The following CYSLTR2 variants were observed in gnomAD, a reference collection of about 807,000 sequenced individuals.
The protein encoded by CYSLTR2 is cysteinyl leukotriene receptor 2.
For synonymous variants in CYSLTR2, 179 were observed against 160.8 expected (o/e 1.11, Z -0.86); for missense variants, 398 against 411.9 (o/e 0.97, Z 0.29).
rs145280747 is a variant in CYSLTR2 at position 48,671,525 on chromosome 13, T to C, written c.-266+17508T>C. On this transcript the variant is annotated intron_variant, in intron 1 of 4. Transcript: ENST00000682523. ...TTATCAAAGGCCTTTTCTGCATCTA[T>C]TGAGATATTCATGTGGTTTTTGTCA... Among the ~76,000 whole-genome samples, 380 of 152,358 alleles carry C rather than the reference T, an allele frequency of 2.5e-3. 2 individuals carry two copies. The highest frequency in any genetic ancestry group is 8.5e-3 in the African/African-American group (353 of 41,578).
chr13:48,664,433 T>G, intron 1 of CYSLTR2, among the ~76,000 whole-genome samples: 1 of 152,042 alleles, frequency 6.6e-6, no homozygotes, highest in Non-Finnish European at 1.5e-5. Flanking sequence ...AAAGATTCAG[T>G]AAAATTCATC....
intron 4 of CYSLTR2, among the ~76,000 whole-genome samples, chr13:48,698,724 G>T (rs915701158): frequency 6.6e-6 from 1 of 152,146 alleles, no homozygotes; most frequent in African/African-American, 2.4e-5. Context: ...GACACAGACT[G>T]GCAAATCAGA....
chr13:48,707,086 C>T lies in CYSLTR2; in HGVS notation c.269C>T (p.Thr90Met), dbSNP rs147650408. The T allele has an allele frequency of 1.3e-4, 217 of 1,614,070 alleles. 2 individuals are homozygous for T. The Middle Eastern group carries it at 4.1e-3, about 31-fold the overall frequency. Residue 90 changes from threonine (T) to methionine (M), a missense_variant, in exon 5 of 5, where the codon ACG becomes ATG. By Grantham distance (81) the Thr-to-Met change is moderately conservative. Transcript: ENST00000682523. Reference protein sequence around the residue: ...LAISDLLFISTLPFRADYYLR... With the variant: ...LAISDLLFISMLPFRADYYLR... ...ATTTCAGATCTCCTGTTCATAAGCA[C>T]GCTTCCCTTCAGGGCTGACTATTAT...
At chr13:48,704,431 A>C (rs1344185576) in intron 4 of CYSLTR2, among the ~76,000 whole-genome samples, 1 of 151,466 alleles carries the variant, frequency 6.6e-6, no homozygotes, top group Non-Finnish European at 1.5e-5. Context: ...TCAAATAACC[A>C]GTTTTTCATT....
At chr13:48,705,980 T>C (rs1425274059) in intron 4 of CYSLTR2, among the ~76,000 whole-genome samples, 4 of 149,930 alleles carry the variant, frequency 2.7e-5, no homozygotes, top group African/African-American at 9.8e-5. Context: ...TTGTTTGTTT[T>C]TTGTTTTGTT....
intron 1 of CYSLTR2, among the ~76,000 whole-genome samples, chr13:48,686,019 T>G (rs1020148686): frequency 6.6e-6 from 1 of 152,204 alleles, no homozygotes; most frequent in Non-Finnish European, 1.5e-5. Flanking sequence ...AAACTTTTCT[T>G]TTACAGAACA....
chr13:48,703,749 TA>T (rs1594025724), intron 4 of CYSLTR2, among the ~76,000 whole-genome samples: 1 of 152,270 alleles, frequency 6.6e-6, no homozygotes, highest in East Asian at 1.9e-4. Flanking sequence ...TTCAATAAAA[TA>T]AATTGGGAAA....
In CYSLTR2 at chr13:48,656,233, G is replaced by T. The variant is rs1435561872; in HGVS notation, c.-266+2216G>T. ...AAATAGAATTGTTCATGTGTTTCTG[G>T]TTGGCTCTTCTCCAGATGAAATGGC... On this transcript the variant is annotated intron_variant, in intron 1 of 4. Coordinates refer to ENST00000682523, the MANE Select transcript of CYSLTR2 (RefSeq NM_001308476.3). 2.0e-5 allele frequency among the ~76,000 whole-genome samples: 3 copies of T among 152,000 alleles called. No homozygotes were observed. The South Asian group carries it at 6.2e-4, about 32-fold the overall frequency.
At chr13:48,672,174 T>G (rs1953449655) in intron 1 of CYSLTR2, among the ~76,000 whole-genome samples, 1 of 152,160 alleles carries the variant, frequency 6.6e-6, no homozygotes. Flanking sequence ...CTTCTGTCTT[T>G]TCTTCTTTAT....
intron 1 of CYSLTR2, among the ~76,000 whole-genome samples, chr13:48,654,773 C>T (rs531861639): frequency 2.8e-4 from 43 of 152,262 alleles, no homozygotes; most frequent in Non-Finnish European, 5.3e-4. Flanking sequence ...AGAAAATTAC[C>T]CCTAGAATAA....
chr13:48,700,291 T>C (rs1341817235), intron 4 of CYSLTR2, among the ~76,000 whole-genome samples: 1 of 152,186 alleles, frequency 6.6e-6, no homozygotes, highest in Non-Finnish European at 1.5e-5. Context: ...GCAAACCAAA[T>C]CCAGCAGCAC....
rs1954588035 is a variant in CYSLTR2, at chr13:48,709,548, C to T, written c.*1690C>T. ...GCTGCGTGTCTGCCCTATTACTCACCTGACGATGAAGCCCACAATGCAACA... is the reference window on the plus strand; with the variant it reads ...GCTGCGTGTCTGCCCTATTACTCACTTGACGATGAAGCCCACAATGCAACA... On this transcript the variant is annotated 3_prime_UTR_variant, in exon 5 of 5. Coordinates refer to ENST00000682523, the MANE Select transcript of CYSLTR2 (RefSeq NM_001308476.3). 1 of 152,450 alleles carries T rather than the reference C, an allele frequency of 6.6e-6. No homozygotes were observed. The highest frequency in any genetic ancestry group is 1.5e-5 in the Non-Finnish European group (1 of 68,036). The allele number at this position is 152,450 out of a possible 1,614,324, so 9.4% of individuals were successfully genotyped here. A position where few individuals can be genotyped will look rare whatever the true frequency, so the allele number is the denominator to read the frequency against.
chr13:48,683,953 C>G (rs1393382142), intron 1 of CYSLTR2, among the ~76,000 whole-genome samples: 3 of 152,214 alleles, frequency 2.0e-5, no homozygotes. Context: ...CAGTCTCACT[C>G]TGTCATCCAG....
intron 4 of CYSLTR2, among the ~76,000 whole-genome samples, chr13:48,703,200 C>T (rs980258945): frequency 2.6e-5 from 4 of 151,962 alleles, no homozygotes; most frequent in African/African-American, 7.2e-5. Context: ...TGTGTGTGCA[C>T]GTATGTGTAT....
At chr13:48,701,548 C>A (rs1247989541) in intron 4 of CYSLTR2, among the ~76,000 whole-genome samples, 3 of 152,114 alleles carry the variant, frequency 2.0e-5, no homozygotes, top group African/African-American at 7.2e-5. Flanking sequence ...CTACAAAGAA[C>A]TTAAACAAAT....
At position 48,708,588 on chromosome 13, in the gene CYSLTR2, A is replaced by G. The variant is rs1481361428; in HGVS notation, c.*730A>G. 6.0e-6 allele frequency: 1 copy of G among 167,132 alleles called. No homozygotes were observed. Among genetic ancestry groups the G allele is most frequent in the Admixed American group, 6.5e-5 (1 of 15,282 alleles). 10.4% of individuals were successfully genotyped at this position (167,132 alleles called of 1,614,324 possible). On this transcript the variant is annotated 3_prime_UTR_variant, in exon 5 of 5. Transcript: ENST00000682523. Reference sequence around the variant, plus strand: ...GCCCTAGGAAATGAAAGAATTGTGTATAGAATGGAAGGGGGATCATCAAGG... The same window carrying G: ...GCCCTAGGAAATGAAAGAATTGTGTGTAGAATGGAAGGGGGATCATCAAGG...
intron 1 of CYSLTR2, among the ~76,000 whole-genome samples, chr13:48,688,335 G>A (rs1593991294): frequency 6.6e-6 from 1 of 152,038 alleles, no homozygotes; most frequent in East Asian, 1.9e-4. Context: ...GTATGCAAAG[G>A]CCATGGTGGT....
chr13:48,674,572 C>T (rs966398236), intron 1 of CYSLTR2, among the ~76,000 whole-genome samples: 4 of 152,268 alleles, frequency 2.6e-5, no homozygotes, highest in Admixed American at 6.5e-5. Context: ...GAACATGATC[C>T]TTTAGCTAGG....
At chr13:48,689,558 G>T (rs561391909) in intron 1 of CYSLTR2, among the ~76,000 whole-genome samples, 1 of 152,208 alleles carries the variant, frequency 6.6e-6, no homozygotes, top group South Asian at 2.1e-4. Context: ...AGATCAGATG[G>T]TTGTAGATGT....
Sources: gnomAD v4.1 joint callset for allele counts (sites outside exome capture counted in the v4.1 genomes callset) on GRCh38, gnomAD v4.1.1 for gene constraint, MANE v1.5 for transcripts, NCBI Gene and HGNC (gene_info 2026-07-23, HGNC 2026-07-21) for gene names.